Variants in EFCAB7 observed in about 807,000 individuals in gnomAD.
The protein encoded by EFCAB7 is EF-hand calcium-binding domain-containing protein 7.
In EFCAB7, 66 loss-of-function variants were observed where a neutral mutation model predicts 77.1. The observed-to-expected ratio is 0.86, with a 90% CI of 0.70 to 1.05. EFCAB7 has a LOEUF of 1.05. Among genes scored for constraint, EFCAB7 ranks in the 50% least tolerant of loss-of-function variants. EFCAB7 has a pLI of 0.00. For missense variants in EFCAB7, 638 were observed against 730.5 expected (o/e 0.87, Z 1.46); for synonymous variants, 225 against 243.3 (o/e 0.92, Z 0.70).
intron 10 of EFCAB7, among the ~76,000 whole-genome samples, chr1:63,559,021 G>GAA (rs112813882): frequency 4.1e-5 from 5 of 123,424 alleles, no homozygotes; most frequent in Admixed American, 8.2e-5. Context: ...CTCTTAAAAA[G>GAA]AAAAAAAAAA....
At chr1:63,570,421 G>C (rs1647226562) in intron 12 of EFCAB7, 1 of 152,116 alleles carries the variant, frequency 6.6e-6, no homozygotes, top group Non-Finnish European at 1.5e-5. Context: ...TTCATCTTCT[G>C]TGTTTCTATA....
chr1:63,560,887 C>A (rs1218061287), intron 10 of EFCAB7, among the ~76,000 whole-genome samples: 11 of 152,178 alleles, frequency 7.2e-5, no homozygotes. Context: ...CTGCTTTTCT[C>A]ACAATAATGC....
chr1:63,565,530 T>C (rs217469), intron 11 of EFCAB7, among the ~76,000 whole-genome samples: 146,821 of 152,290 alleles, frequency 0.96, 70,791 homozygotes, highest in Middle Eastern at 0.99. Flanking sequence ...CAAAAATTGA[T>C]AAATGGGATC....
chr1:63,554,112 C>T (rs866624987), intron 8 of EFCAB7, among the ~76,000 whole-genome samples: 6 of 152,164 alleles, frequency 3.9e-5, no homozygotes, highest in African/African-American at 7.2e-5. Flanking sequence ...TATGAGCCAC[C>T]GTGTCTGGCC....
chr1:63,536,118 T>A (rs11208236), intron 6 of EFCAB7, among the ~76,000 whole-genome samples: 27,345 of 152,090 alleles, frequency 0.18, 2,567 homozygotes, highest in Middle Eastern at 0.26. Context: ...TAAAAGGTAC[T>A]AAGATAATTT....
chr1:63,538,078 A>T (rs1646784019), intron 6 of EFCAB7, among the ~76,000 whole-genome samples: 1 of 152,174 alleles, frequency 6.6e-6, no homozygotes, highest in Non-Finnish European at 1.5e-5. Context: ...TTTGTATATG[A>T]CAAATAAAGG....
chr1:63,562,449 T>TTTATATATATA (rs1647115904), intron 11 of EFCAB7, among the ~76,000 whole-genome samples: 1 of 22,468 alleles, frequency 4.5e-5, no homozygotes, highest in African/African-American at 1.8e-4. Context: ...CTTAATTTAT[T>TTTATATATATA]TATATATATA....
Position 63,563,820 on chromosome 1 carries a change from T to G in EFCAB7, c.1497+1963T>G, listed in dbSNP as rs182043765. Reference sequence around the variant, plus strand: ...AGGCTGTAGAATTACTGATTACACATTCCCTGTATCAGCCTATGAAGATCC... The same window carrying G: ...AGGCTGTAGAATTACTGATTACACAGTCCCTGTATCAGCCTATGAAGATCC... On this transcript the variant is annotated intron_variant, in intron 11 of 13. Transcript: ENST00000371088. 1.2e-4 allele frequency among the ~76,000 whole-genome samples: 18 copies of G among 152,314 alleles called. No homozygotes were observed. In the East Asian group the frequency reaches 2.5e-3, roughly 21 times the overall value.
chr1:63,529,391 A>G (rs1218538030), intron 2 of EFCAB7, among the ~76,000 whole-genome samples: 2 of 152,150 alleles, frequency 1.3e-5, no homozygotes, highest in Non-Finnish European at 2.9e-5. Flanking sequence ...TAGCAATTTT[A>G]CAGTCAGATG....
intron 9 of EFCAB7, 56 bp downstream of exon 9, chr1:63,555,571 T>C (rs1647021385): frequency 6.8e-7 from 1 of 1,472,440 alleles, no homozygotes; most frequent in African/African-American, 1.4e-5. Flanking sequence ...TAGATATTAA[T>C]AGCCTGTGTT....
chr1:63,547,096 C>T (rs897600395), intron 7 of EFCAB7: 6 of 152,144 alleles, frequency 3.9e-5, no homozygotes, highest in African/African-American at 1.4e-4. Context: ...GTTTTCACTG[C>T]ATCTCTTGTG....
At chr1:63,544,781 A>G (rs1416677608) in intron 6 of EFCAB7, among the ~76,000 whole-genome samples, 1 of 152,172 alleles carries the variant, frequency 6.6e-6, no homozygotes, top group Non-Finnish European at 1.5e-5. Flanking sequence ...TCTTACATTT[A>G]AAGTCATTTT....
chr1:63,533,568 C>T lies in EFCAB7; in HGVS notation c.601C>T (p.Pro201Ser). 6.2e-7 allele frequency: 1 copy of T among 1,612,670 alleles called. No individual in the cohort carries two copies. Among genetic ancestry groups the T allele is most frequent in the Non-Finnish European group, 8.5e-7 (1 of 1,179,388 alleles). The change falls in exon 5 of 14, where the codon CCT becomes TCT. Residue 201 changes from proline (P) to serine (S), a missense_variant. Pro to Ser is a moderately conservative substitution (Grantham distance 74, BLOSUM62 -1). Coordinates refer to ENST00000371088, the MANE Select transcript of EFCAB7 (RefSeq NM_032437.4). ...GTTTGGAAACCACATCGAAGGGTCC[C>T]CTGAAAGGGACCCATCACCAGTACC... Reference protein sequence around the residue: ...HQFGNHIEGSPERDPSPVPKP... With the variant: ...HQFGNHIEGSSERDPSPVPKP...
At chr1:63,540,509 A>G (rs1281274914) in intron 6 of EFCAB7, among the ~76,000 whole-genome samples, 1 of 152,172 alleles carries the variant, frequency 6.6e-6, no homozygotes, top group Non-Finnish European at 1.5e-5. Context: ...TGTAGAGGCC[A>G]AATGTCTTGG....
the EFCAB7 span, among the ~76,000 whole-genome samples, chr1:63,583,854 G>A: frequency 6.7e-6 from 1 of 149,412 alleles, no homozygotes; most frequent in Non-Finnish European, 1.5e-5. Flanking sequence ...ATTCCTGATG[G>A]AGAAAACTGT....
At chr1:63,533,783 C>A in intron 5 of EFCAB7, 134 bp downstream of exon 5, 2 of 682,142 alleles carry the variant, frequency 2.9e-6, no homozygotes, top group Non-Finnish European at 4.5e-6. Context: ...TATTTCTAGA[C>A]TCTTTCAGCT....
At chr1:63,551,389 G>A (rs1646962671) in intron 7 of EFCAB7, among the ~76,000 whole-genome samples, 1 of 152,122 alleles carries the variant, frequency 6.6e-6, no homozygotes, top group Non-Finnish European at 1.5e-5. Flanking sequence ...TCAGGAGATC[G>A]AGACCATCCT....
intron 2 of EFCAB7, among the ~76,000 whole-genome samples, chr1:63,530,064 G>A (rs1475920323): frequency 1.3e-5 from 2 of 152,166 alleles, no homozygotes; most frequent in East Asian, 3.9e-4. Context: ...AATTTCTTTG[G>A]AACTAAAAAG....
intron 11 of EFCAB7, 40 bp downstream of exon 11, chr1:63,561,897 C>T (rs368374722): frequency 6.8e-5 from 96 of 1,411,542 alleles, no homozygotes; most frequent in Non-Finnish European, 8.7e-5. Context: ...GTTTAATGTA[C>T]ATAATATTTT....
Sources: allele counts gnomAD v4.1 joint callset (sites outside exome capture counted in the v4.1 genomes callset), GRCh38; gene constraint gnomAD v4.1.1; transcripts MANE v1.5; gene names NCBI Gene and HGNC (gene_info 2026-07-23, HGNC 2026-07-21).